Variants in KPNA4 observed in about 807,000 individuals in gnomAD.
KPNA4 encodes importin subunit alpha-3.
Under a neutral mutation model 71.3 loss-of-function variants are expected in KPNA4, and 13 were observed. The observed-to-expected ratio is 0.18, with a 90% CI of 0.12 to 0.29. The LOEUF (loss-of-function observed/expected upper bound fraction) is 0.29, where lower values mean the gene tolerates loss of function less well. Among genes scored for constraint, KPNA4 ranks in the 10% least tolerant of loss-of-function variants. The pLI, the probability that KPNA4 is intolerant of heterozygous loss-of-function variation, is 1.00. For missense variants in KPNA4, 334 were observed against 603.2 expected, an observed-to-expected ratio of 0.55 and a Z score of 4.67; for synonymous variants, 189 against 195.2, an observed-to-expected ratio of 0.97 and a Z score of 0.26.
At chr3:160,525,726 C>T in intron 10 of KPNA4, 74 bp downstream of exon 10, 1 of 910,924 alleles carries the variant, frequency 1.1e-6, no homozygotes, top group South Asian at 2.8e-5. Context: ...TAATATTTCT[C>T]CCCTATGTCA....
rs1722333893 is a variant in KPNA4 at position 160,565,497 on chromosome 3, AG to A, written c.-216del. On this transcript the variant is annotated 5_prime_UTR_variant, in exon 1 of 17. Coordinates refer to ENST00000334256, the MANE Select transcript of KPNA4 (RefSeq NM_002268.5). ...CCCAGCGCGACTGCAGCTCCGGCAA[AG>A]ACAACTGTGGGGCCGGGCGGCGGCA... is the stretch of plus-strand genomic sequence containing the variant. 1 of 558,152 alleles carries A rather than the reference AG, an allele frequency of 1.8e-6. No homozygotes were observed. The highest frequency in any genetic ancestry group is 2.0e-5 in the African/African-American group (1 of 49,610). 34.6% of individuals were successfully genotyped at this position (558,152 alleles called of 1,614,324 possible).
intron 10 of KPNA4, among the ~76,000 whole-genome samples, chr3:160,523,435 AAAAAAACC>A (rs1444296659): frequency 6.6e-6 from 1 of 152,242 alleles, no homozygotes; most frequent in Admixed American, 6.5e-5. Flanking sequence ...AAATAAGATA[AAAAAAACC>A]AAAAAGACAC....
At chr3:160,543,897 G>T (rs529091097) in intron 1 of KPNA4, among the ~76,000 whole-genome samples, 3 of 150,972 alleles carry the variant, frequency 2.0e-5, no homozygotes, top group Admixed American at 6.6e-5. Context: ...CGCTCTTGCT[G>T]CCCAGGCTGC....
chr3:160,548,146 T>C lies in KPNA4; in HGVS notation c.70-11306A>G, dbSNP rs115772487. On this transcript the variant is annotated intron_variant, in intron 1 of 16. Coordinates refer to ENST00000334256, the MANE Select transcript of KPNA4 (RefSeq NM_002268.5). ...ACCATTTTGCCTTCCCAACCAACAA[T>C]GAATCAGAGTTCCTGTTGCTCCACA... Among the ~76,000 whole-genome samples the C allele has an allele frequency of 6.4e-3, 974 of 152,310 alleles. 10 individuals carry two copies. Among genetic ancestry groups the C allele is most frequent in the African/African-American group, 0.022 (906 of 41,576 alleles).
chr3:160,561,629 C>T (rs537099064), intron 1 of KPNA4, among the ~76,000 whole-genome samples: 3 of 152,096 alleles, frequency 2.0e-5, no homozygotes, highest in African/African-American at 7.2e-5. Context: ...CTATGAATAA[C>T]TTTCAACTCT....
rs1348870394 is a variant in KPNA4 at position 160,509,888 on chromosome 3, C to G, written c.1138-17G>C. Reference sequence around the variant, plus strand: ...AAAATCCCCCTGTAAAAAGGCAAAACAAAGGCTATAAAAATTGCCACATAG... The same window carrying G: ...AAAATCCCCCTGTAAAAAGGCAAAAGAAAGGCTATAAAAATTGCCACATAG... On this transcript the variant is annotated splice_polypyrimidine_tract_variant and intron_variant, in intron 13 of 16. Coordinates refer to ENST00000334256, the MANE Select transcript of KPNA4 (RefSeq NM_002268.5). The G allele has an allele frequency of 3.8e-6, 6 of 1,586,704 alleles. No homozygotes were observed. Among genetic ancestry groups the G allele is most frequent in the Non-Finnish European group, 5.2e-6 (6 of 1,156,896 alleles).
intron 5 of KPNA4, among the ~76,000 whole-genome samples, chr3:160,532,278 A>G (rs1721591533): frequency 6.6e-6 from 1 of 152,266 alleles, no homozygotes; most frequent in Non-Finnish European, 1.5e-5. Context: ...TTAAGAGGTC[A>G]CCAAAATATC....
rs952097729 is a variant in KPNA4, at chr3:160,496,536, G to A, written c.*5568C>T. 1 of 152,192 alleles carries A rather than the reference G, an allele frequency of 6.6e-6. No individual in the cohort carries two copies. The highest frequency in any genetic ancestry group is 2.4e-5 in the African/African-American group (1 of 41,440). The allele number at this position is 152,192 out of a possible 1,614,324, so 9.4% of individuals were successfully genotyped here. A position where few individuals can be genotyped will look rare whatever the true frequency, so the allele number is the denominator to read the frequency against. ...TCTAGGATAGGAATCCATCAGTTAT[G>A]GAGATCAGAGGTAAGATATAGTCAG... On this transcript the variant is annotated 3_prime_UTR_variant, in exon 17 of 17. Transcript: ENST00000334256.
intron 1 of KPNA4, among the ~76,000 whole-genome samples, chr3:160,549,374 A>C (rs1395855407): frequency 6.6e-6 from 1 of 152,176 alleles, no homozygotes; most frequent in Non-Finnish European, 1.5e-5. Context: ...AAAGTTATAA[A>C]ACTTTCTCTA....
chr3:160,565,149 G>A (rs1722320224), intron 1 of KPNA4, 65 bp downstream of exon 1: 2 of 1,366,088 alleles, frequency 1.5e-6, no homozygotes, highest in Non-Finnish European at 2.0e-6. Context: ...CCACACTCGG[G>A]GTCCCGGCGG....
Position 160,525,839 on chromosome 3 carries a change from A to C in KPNA4, c.732T>G (p.Leu244=). The change falls in exon 10 of 17, where the codon CTT becomes CTG. Residue 244 remains leucine (L), a synonymous_variant. Transcript: ENST00000334256. ...GATGAATTAAAACACAAAGGGCTGG[A>C]AGAATCTGAGGAGAGAAATATGTAG... ...PPPMETIQEI[L]PALCVLIHHT... 2 of 1,570,292 alleles carry C rather than the reference A, an allele frequency of 1.3e-6. No individual in the cohort carries two copies. The highest frequency in any genetic ancestry group is 1.7e-6 in the Non-Finnish European group (2 of 1,158,340).
chr3:160,508,625 T>A (rs1201090234), intron 14 of KPNA4, among the ~76,000 whole-genome samples: 2 of 151,948 alleles, frequency 1.3e-5, no homozygotes, highest in African/African-American at 2.4e-5. Context: ...ATTTTTAATT[T>A]AATTAATTAA....
At chr3:160,513,449 G>T (rs530608804) in intron 13 of KPNA4, among the ~76,000 whole-genome samples, 2 of 152,008 alleles carry the variant, frequency 1.3e-5, no homozygotes, top group South Asian at 4.2e-4. Flanking sequence ...AGTTTTTGTA[G>T]AGATGGAGTC....
At position 160,496,414 on chromosome 3, in the gene KPNA4, T is replaced by C. The variant is rs1720764390; in HGVS notation, c.*5690A>G. ...TGGATTGAGAACCACAAAAAGCATG[T>C]AGATTTAAGCAGATTACGAGTCATT... On this transcript the variant is annotated 3_prime_UTR_variant, in exon 17 of 17. Coordinates refer to ENST00000334256, the MANE Select transcript of KPNA4 (RefSeq NM_002268.5). 6.6e-6 allele frequency: 1 copy of C among 152,190 alleles called. No homozygotes were observed. The highest frequency in any genetic ancestry group is 1.5e-5 in the Non-Finnish European group (1 of 68,064). 9.4% of individuals were successfully genotyped at this position (152,190 alleles called of 1,614,324 possible). A position where few individuals can be genotyped will look rare whatever the true frequency, so the allele number is the denominator to read the frequency against.
rs1292896221 is a variant in KPNA4 at position 160,495,701 on chromosome 3, G to GTACATA, written c.*6402_*6403insTATGTA. The GTACATA allele has an allele frequency of 6.6e-6, 1 of 150,952 alleles. No homozygotes were observed. Among genetic ancestry groups the GTACATA allele is most frequent in the East Asian group, 1.9e-4 (1 of 5,164 alleles). The allele number at this position is 150,952 out of a possible 1,614,324, so 9.4% of individuals were successfully genotyped here. On this transcript the variant is annotated 3_prime_UTR_variant, in exon 17 of 17. Coordinates refer to ENST00000334256, the MANE Select transcript of KPNA4 (RefSeq NM_002268.5). Reference sequence around the variant, plus strand: ...TGATACACATTGTGTACTGCATTGGGGGCTTACTAGATGTGTGGCGGAATA... The same window carrying GTACATA: ...TGATACACATTGTGTACTGCATTGGGTACATAGGCTTACTAGATGTGTGGCGGAATA...
In KPNA4 at chr3:160,521,847, T is replaced by A; in HGVS notation, c.835A>T (p.Met279Leu). The A allele has an allele frequency of 6.2e-7, 1 of 1,613,014 alleles. No homozygotes were observed. The highest frequency in any genetic ancestry group is 8.5e-7 in the Non-Finnish European group (1 of 1,179,682). ...GGAACTATTCCAGAGTCTATTACCA[T>A]CTGTATTTGTTCATTGCCAGCATCA... ...LTDAGNEQIQ[M>L]VIDSGIVPHL... The change falls in exon 11 of 17, where the codon ATG becomes TTG. Residue 279 changes from methionine to leucine, a missense_variant. Coordinates refer to ENST00000334256, the MANE Select transcript of KPNA4 (RefSeq NM_002268.5).
intron 11 of KPNA4, 118 bp from the exon 12 acceptor site, chr3:160,515,698 T>C: frequency 8.8e-7 from 1 of 1,135,942 alleles, no homozygotes. Context: ...CACTGTAACC[T>C]CTGCCTCTCA....
intron 13 of KPNA4, among the ~76,000 whole-genome samples, chr3:160,513,873 A>G (rs1721150964): frequency 6.6e-6 from 1 of 152,156 alleles, no homozygotes; most frequent in Non-Finnish European, 1.5e-5. Flanking sequence ...AGAAAGGGCT[A>G]GGATTTGCCC....
chr3:160,546,816 C>A (rs58295824), intron 1 of KPNA4, among the ~76,000 whole-genome samples: 2 of 152,074 alleles, frequency 1.3e-5, no homozygotes, highest in African/African-American at 4.8e-5. Context: ...GAGCTTCTAA[C>A]CCACGTCTCA....
Sources: allele counts gnomAD v4.1 joint callset (sites outside exome capture counted in the v4.1 genomes callset), GRCh38; gene constraint gnomAD v4.1.1; transcripts MANE v1.5; gene names NCBI Gene and HGNC (gene_info 2026-07-23, HGNC 2026-07-21).